Variants in CTTN observed in about 807,000 individuals in gnomAD.
The protein encoded by CTTN is cortactin, also known as src substrate cortactin.
Under a neutral mutation model 84.0 loss-of-function variants are expected in CTTN, and 28 were observed. The observed-to-expected ratio is 0.33, with a 90% CI of 0.25 to 0.46. The LOEUF (loss-of-function observed/expected upper bound fraction) is 0.46, where lower values mean the gene tolerates loss of function less well. CTTN is among the 20% of genes least tolerant of loss of function. CTTN has a pLI of 1.00. For synonymous variants in CTTN, 301 were observed against 288.8 expected (o/e 1.04, Z -0.43); for missense variants, 641 against 723.8 (o/e 0.89, Z 1.31).
In CTTN at chr11:70,436,217, C is replaced by G; in HGVS notation, c.*1055C>G. ...GAAGTGCAGATGAGTGTGTGTTCTT[C>G]CCCAAGGTCCCCCCACAGCTCCAGG... On this transcript the variant is annotated 3_prime_UTR_variant, in exon 18 of 18. Transcript: ENST00000301843. 3.8e-6 allele frequency: 6 copies of G among 1,572,658 alleles called. No homozygotes were observed. Among genetic ancestry groups the G allele is most frequent in the South Asian group, 2.3e-5 (2 of 87,684 alleles).
intron 17 of CTTN, 84 bp downstream of exon 17, chr11:70,433,802 A>G (rs1012635362): frequency 1.1e-4 from 101 of 893,872 alleles, no homozygotes; most frequent in Non-Finnish European, 1.9e-5. Flanking sequence ...TCACTTCTCT[A>G]GCGTTGTTAG....
chr11:70,404,317 G>T (rs949345605), intron 1 of CTTN, among the ~76,000 whole-genome samples: 17 of 152,184 alleles, frequency 1.1e-4, no homozygotes, highest in Admixed American at 2.0e-4. Context: ...GTCCATGTGT[G>T]TTGTCTAGCA....
At position 70,409,818 on chromosome 11, in the gene CTTN, C is replaced by T. The variant is rs990625369; in HGVS notation, c.162-13C>T. 17 of 1,613,492 alleles carry T rather than the reference C, an allele frequency of 1.1e-5. No individual in the cohort carries two copies. In the African/African-American group the frequency reaches 1.7e-4, roughly 16 times the overall value. ...TTTATTGATCTGTTCCTATTTTCATCTCTTCCATCAAGCATACACAAGCTG... is the reference window on the plus strand; with the variant it reads ...TTTATTGATCTGTTCCTATTTTCATTTCTTCCATCAAGCATACACAAGCTG... On this transcript the variant is annotated splice_polypyrimidine_tract_variant and intron_variant, in intron 4 of 17. Transcript: ENST00000301843.
chr11:70,409,002 G>T (rs1394939304), intron 4 of CTTN, among the ~76,000 whole-genome samples: 1 of 152,156 alleles, frequency 6.6e-6, no homozygotes, highest in Non-Finnish European at 1.5e-5. Context: ...GGGCTGGTTA[G>T]GATTCAGAGA....
At chr11:70,418,353 G>A (rs926948866) in intron 8 of CTTN, among the ~76,000 whole-genome samples, 3 of 152,218 alleles carry the variant, frequency 2.0e-5, no homozygotes, top group East Asian at 1.9e-4. Flanking sequence ...TCCTCTTCCC[G>A]ACACCACACA....
intron 8 of CTTN, 69 bp from the exon 9 acceptor site, chr11:70,419,677 G>C: frequency 1.5e-6 from 2 of 1,342,188 alleles, no homozygotes; most frequent in Non-Finnish European, 2.1e-6. Flanking sequence ...TTAATCAAAG[G>C]ATAAAATACT....
At chr11:70,425,246 A>G (rs2058288411) in intron 12 of CTTN, 86 bp from the exon 13 acceptor site, 6 of 1,035,526 alleles carry the variant, frequency 5.8e-6, no homozygotes, top group Non-Finnish European at 7.3e-6. Flanking sequence ...AGATCTGGGG[A>G]AGGCATTTGC....
rs1168554132 is a variant in CTTN, at chr11:70,407,516, A to G, written c.88-2A>G. ...AGATTTACTGGTCGCTTTTCTTTTC[A>G]GAATGATGTGAGTGAGAAGGAGCAA... On this transcript the variant is annotated splice_acceptor_variant, in intron 3 of 17. Transcript: ENST00000301843. LOFTEE classifies it high-confidence loss of function. 6.2e-7 allele frequency: 1 copy of G among 1,614,012 alleles called. No individual in the cohort carries two copies. The highest frequency in any genetic ancestry group is 1.1e-5 in the South Asian group (1 of 91,070).
chr11:70,404,039 C>T (rs147814115), intron 1 of CTTN, among the ~76,000 whole-genome samples: 186 of 152,210 alleles, frequency 1.2e-3, no homozygotes, highest in African/African-American at 4.4e-3. Flanking sequence ...CACGACCATG[C>T]CTGGCTAAAT....
At chr11:70,408,263 C>T (rs2058064951) in intron 4 of CTTN, 1 of 152,280 alleles carries the variant, frequency 6.6e-6, no homozygotes. Context: ...GACCCGGTGA[C>T]CGCCTCAGTA....
intron 1 of CTTN, among the ~76,000 whole-genome samples, chr11:70,400,387 C>T (rs1481827528): frequency 2.6e-5 from 4 of 152,046 alleles, no homozygotes; most frequent in Admixed American, 2.0e-4. Flanking sequence ...ATCTCAAGCC[C>T]AGGAGTTGGA....
Position 70,431,222 on chromosome 11 carries a change from C to G in CTTN, c.1208C>G (p.Pro403Arg). Residue 403 changes from proline (P) to arginine (R), a missense_variant, in exon 15 of 18, where the codon CCT (proline) becomes CGT (arginine). Transcript: ENST00000301843. ...EQARAKTQTP[P>R]VSPAPQPTEE... ...GCCAGAGCCAAAACGCAAACGCCCCCTGTGTCGCCCGCACCTCAGCCAACC... is the reference window on the plus strand; with the variant it reads ...GCCAGAGCCAAAACGCAAACGCCCCGTGTGTCGCCCGCACCTCAGCCAACC... 1 of 1,614,212 alleles carries G rather than the reference C, an allele frequency of 6.2e-7. No individual in the cohort carries two copies. Among genetic ancestry groups the G allele is most frequent in the Non-Finnish European group, 8.5e-7 (1 of 1,180,034 alleles).
At position 70,436,476 on chromosome 11, in the gene CTTN, G is replaced by A. The variant is rs1230359232; in HGVS notation, c.*1314G>A. 34 of 1,407,396 alleles carry A rather than the reference G, an allele frequency of 2.4e-5. No individual in the cohort carries two copies. Among genetic ancestry groups the A allele is most frequent in the Non-Finnish European group, 3.1e-5 (32 of 1,016,004 alleles). 87.2% of individuals were successfully genotyped at this position (1,407,396 alleles called of 1,614,324 possible). ...CTTTACCACAATGAGCAATGAGGTC[G>A]GGTTTTATATGCAACTTATTGTATC... is the stretch of plus-strand genomic sequence containing the variant. On this transcript the variant is annotated 3_prime_UTR_variant, in exon 18 of 18. Coordinates refer to ENST00000301843, the MANE Select transcript of CTTN (RefSeq NM_005231.4).
chr11:70,408,187 T>A (rs187844911), intron 4 of CTTN: 20 of 152,370 alleles, frequency 1.3e-4, no homozygotes, highest in African/African-American at 3.9e-4. Flanking sequence ...TGCTCAGACT[T>A]TTATTTTAGG....
At chr11:70,421,762 T>C (rs2058239213) in intron 11 of CTTN, 182 bp downstream of exon 11, 1 of 594,256 alleles carries the variant, frequency 1.7e-6, no homozygotes, top group African/African-American at 1.9e-5. Flanking sequence ...TTTTGAGTGG[T>C]TCACTTTCTT....
intron 13 of CTTN, among the ~76,000 whole-genome samples, chr11:70,427,331 A>T (rs1298212512): frequency 6.6e-6 from 1 of 152,146 alleles, no homozygotes; most frequent in East Asian, 1.9e-4. Flanking sequence ...CCTGGGCGAC[A>T]ACAGCTAAAC....
intron 5 of CTTN, 114 bp from the exon 6 acceptor site, chr11:70,414,428 G>A (rs1195210907): frequency 1.4e-6 from 1 of 709,618 alleles, no homozygotes; most frequent in African/African-American, 1.8e-5. Context: ...GTGTGTTAAT[G>A]TAAGGTTTCC....
At chr11:70,420,594 G>T in intron 10 of CTTN, 84 bp downstream of exon 10, 1 of 941,694 alleles carries the variant, frequency 1.1e-6, no homozygotes, top group Non-Finnish European at 1.7e-6. Context: ...TGTTGTGTCT[G>T]CGTGTGCCTG....
chr11:70,427,123 G>A (rs532885506), intron 13 of CTTN, among the ~76,000 whole-genome samples: 6 of 151,834 alleles, frequency 4.0e-5, no homozygotes, highest in Non-Finnish European at 8.8e-5. Flanking sequence ...GCCGAGGTGG[G>A]TGGATCACCT....
Sources: allele counts gnomAD v4.1 joint callset (sites outside exome capture counted in the v4.1 genomes callset), GRCh38; gene constraint gnomAD v4.1.1; transcripts MANE v1.5; gene names NCBI Gene and HGNC (gene_info 2026-07-23, HGNC 2026-07-21).